Variants in USP18 observed in about 807,000 individuals in gnomAD.
USP18 encodes the protein ubl carboxyl-terminal hydrolase 18.
USP18 carries 11 observed loss-of-function variants against 48.7 expected under a neutral mutation model. The ratio of observed to expected loss-of-function variants is 0.23; its 90% confidence interval spans 0.14 to 0.37. The LOEUF is 0.37. Ranked by LOEUF, USP18 falls within the 10% of genes least tolerant of loss-of-function variation. The pLI is 1.00. For missense variants in USP18, 285 were observed against 436.4 expected (o/e 0.65, Z 3.09); for synonymous variants, 114 against 163.2 (o/e 0.70, Z 2.30).
In USP18 at chr22:18,160,206, C is replaced by T. The variant is rs1466322747; in HGVS notation, c.192C>T (p.Cys64=). Residue 64 remains cysteine (C), a synonymous_variant, in exon 3 of 11, where the codon TGC becomes TGT. Transcript: ENST00000215794. Reference sequence around the variant, plus strand: ...GTTTACACAACATTGGACAGACCTGCTGCCTTAACTCCTTGATTCAGGTGT... The same window carrying T: ...GTTTACACAACATTGGACAGACCTGTTGCCTTAACTCCTTGATTCAGGTGT... ...LVGLHNIGQT[C]CLNSLIQVFV... The T allele has an allele frequency of 6.2e-7, 1 of 1,614,074 alleles. No homozygotes were observed. The highest frequency in any genetic ancestry group is 1.1e-5 in the South Asian group (1 of 91,092).
chr22:18,150,607 G>T (rs982732557), intron 1 of USP18, among the ~76,000 whole-genome samples: 1 of 152,308 alleles, frequency 6.6e-6, no homozygotes, highest in African/African-American at 2.4e-5. Flanking sequence ...TGTCCACTGA[G>T]TATATTATGG....
intron 1 of USP18, among the ~76,000 whole-genome samples, chr22:18,155,515 A>C (rs138130992): frequency 0.041 from 6,192 of 151,872 alleles, 168 homozygotes; most frequent in African/African-American, 0.075. Context: ...GCTTGCGGGG[A>C]GGTGTGGAGG....
chr22:18,158,010 T>C (rs1929219871), intron 2 of USP18, among the ~76,000 whole-genome samples, 190 bp downstream of exon 2: 1 of 151,872 alleles, frequency 6.6e-6, no homozygotes, highest in Non-Finnish European at 1.5e-5. Flanking sequence ...AAAAACAAGG[T>C]CGGGCGCGGT....
chr22:18,166,684 T>G (rs1306856697), intron 4 of USP18, among the ~76,000 whole-genome samples: 7 of 152,128 alleles, frequency 4.6e-5, no homozygotes, highest in South Asian at 4.2e-4. Context: ...GGGAGGGATC[T>G]GAGCCCTCTC....
chr22:18,169,965 G>A, intron 7 of USP18, 26 bp downstream of exon 7: 2 of 1,557,230 alleles, frequency 1.3e-6, no homozygotes, highest in Non-Finnish European at 1.7e-6. Flanking sequence ...ATCAGACTCA[G>A]CTGTCCCTCG....
Position 18,155,814 on chromosome 22 carries a change from G to A in USP18, c.-106-1744G>A, listed in dbSNP as rs868725678. ...TGCGGACCAAGCCTCCCCGACCAGCGCCGCTCCCGGCTCCACGCCGCCGAG... is the reference window on the plus strand; with the variant it reads ...TGCGGACCAAGCCTCCCCGACCAGCACCGCTCCCGGCTCCACGCCGCCGAG... On this transcript the variant is annotated intron_variant, in intron 1 of 10. Coordinates refer to ENST00000215794, the MANE Select transcript of USP18 (RefSeq NM_017414.4). Among the ~76,000 whole-genome samples, 16 of 152,354 alleles carry A rather than the reference G, an allele frequency of 1.1e-4. No individual in the cohort carries two copies. The Middle Eastern group carries it at 0.01, about 97-fold the overall frequency.
intron 1 of USP18, among the ~76,000 whole-genome samples, chr22:18,156,911 C>T (rs1221638522): frequency 6.6e-6 from 1 of 152,154 alleles, no homozygotes; most frequent in Non-Finnish European, 1.5e-5. Flanking sequence ...ACCTCTTCTT[C>T]CCCCAAGCAA....
At chr22:18,166,713 C>T (rs566121708) in intron 4 of USP18, among the ~76,000 whole-genome samples, 9 of 151,768 alleles carry the variant, frequency 5.9e-5, no homozygotes, top group Non-Finnish European at 8.8e-5. Flanking sequence ...CTTGGGCATG[C>T]GCCTGGCCTT....
rs1929288924 is a variant in USP18, at chr22:18,160,171, G to A, written c.158-1G>A. 6.2e-7 allele frequency: 1 copy of A among 1,613,866 alleles called. No individual in the cohort carries two copies. Among genetic ancestry groups the A allele is most frequent in the Non-Finnish European group, 8.5e-7 (1 of 1,179,948 alleles). On this transcript the variant is annotated splice_acceptor_variant, in intron 2 of 10. Coordinates refer to ENST00000215794, the MANE Select transcript of USP18 (RefSeq NM_017414.4). LOFTEE classifies it high-confidence loss of function. ...AGCATTTTTTTCTCTTCCCCTTATA[G>A]GCCTGGTTGGTTTACACAACATTGG...
At chr22:18,155,847 G>A (rs183562542) in intron 1 of USP18, among the ~76,000 whole-genome samples, 1 of 152,190 alleles carries the variant, frequency 6.6e-6, no homozygotes, top group Non-Finnish European at 1.5e-5. Flanking sequence ...GAGTCCCACC[G>A]ACCACCCAAG....
At chr22:18,155,817 G>A (rs953367443) in intron 1 of USP18, among the ~76,000 whole-genome samples, 2 of 152,210 alleles carry the variant, frequency 1.3e-5, no homozygotes, top group African/African-American at 2.4e-5. Context: ...GACCAGCGCC[G>A]CTCCCGGCTC....
At chr22:18,158,148 C>T (rs62229510) in intron 2 of USP18, among the ~76,000 whole-genome samples, 6,803 of 152,156 alleles carry the variant, frequency 0.045, 202 homozygotes, top group Non-Finnish European at 0.064. Context: ...ATTAGCTGGG[C>T]GCAGTGGCAG....
At chr22:18,172,638 A>C (rs1249960038) in intron 8 of USP18, among the ~76,000 whole-genome samples, 11 of 151,172 alleles carry the variant, frequency 7.3e-5, no homozygotes, top group Admixed American at 7.2e-4. Flanking sequence ...GTAAACTAAT[A>C]TTTAGATACA....
intron 8 of USP18, among the ~76,000 whole-genome samples, chr22:18,172,019 T>C (rs911708155): frequency 9.2e-5 from 14 of 152,236 alleles, no homozygotes; most frequent in African/African-American, 2.6e-4. Flanking sequence ...GCCTGTAATC[T>C]CAGCTCTTTG....
intron 1 of USP18, among the ~76,000 whole-genome samples, chr22:18,155,722 A>T (rs1488260405): frequency 6.6e-6 from 1 of 152,218 alleles, no homozygotes; most frequent in East Asian, 1.9e-4. Flanking sequence ...GCCTCCTGGC[A>T]GGGCAGGGCT....
chr22:18,160,472 T>C (rs1156800839), intron 3 of USP18, among the ~76,000 whole-genome samples: 5 of 151,834 alleles, frequency 3.3e-5, no homozygotes, highest in Non-Finnish European at 5.9e-5. Flanking sequence ...GGCTAATTTT[T>C]TTTGTATTTT....
chr22:18,173,693 G>C, intron 9 of USP18, 100 bp from the exon 10 acceptor site: 1 of 1,553,578 alleles, frequency 6.4e-7, no homozygotes, highest in Non-Finnish European at 8.8e-7. Context: ...GTTGCTAGGG[G>C]TGGGCTTGTC....
intron 1 of USP18, among the ~76,000 whole-genome samples, chr22:18,151,311 A>G (rs1265687307): frequency 6.6e-6 from 1 of 152,212 alleles, no homozygotes; most frequent in Non-Finnish European, 1.5e-5. Context: ...AAATTAAAGC[A>G]GAGGCTTTAA....
intron 1 of USP18, among the ~76,000 whole-genome samples, chr22:18,157,039 G>T (rs1929175494): frequency 6.6e-6 from 1 of 152,222 alleles, no homozygotes; most frequent in Admixed American, 6.5e-5. Context: ...CATGAGACCA[G>T]CCCAGCACCA....
Sources: allele counts gnomAD v4.1 joint callset (sites outside exome capture counted in the v4.1 genomes callset), GRCh38; gene constraint gnomAD v4.1.1; transcripts MANE v1.5; gene names NCBI Gene and HGNC (gene_info 2026-07-23, HGNC 2026-07-21).